LIMD1: variants seen among roughly 807,000 people sequenced by gnomAD.
The protein encoded by LIMD1 is LIM domain-containing protein 1.
In LIMD1, 23 loss-of-function variants were observed where a neutral mutation model predicts 58.4. The ratio of observed to expected loss-of-function variants is 0.39; its 90% CI spans 0.28 to 0.56. The LOEUF (loss-of-function observed/expected upper bound fraction) is 0.56, where lower values mean the gene tolerates loss of function less well. Ranked by LOEUF, LIMD1 falls within the 20% of genes least tolerant of loss-of-function variation. LIMD1 has a pLI of 0.57. For missense variants in LIMD1, 838 were observed against 855.5 expected, an observed-to-expected ratio of 0.98 and a Z score of 0.25; for synonymous variants, 334 against 345.5, an observed-to-expected ratio of 0.97 and a Z score of 0.37.
intron 2 of LIMD1, among the ~76,000 whole-genome samples, chr3:45,647,444 C>T (rs76057043): frequency 0.017 from 2,559 of 152,244 alleles, 53 homozygotes; most frequent in African/African-American, 0.053. Flanking sequence ...TAGCAGGGCA[C>T]GGGTCAGCCT....
chr3:45,604,762 G>A lies in LIMD1; in HGVS notation c.1408+8475G>A, dbSNP rs190577873. 1.4e-3 allele frequency among the ~76,000 whole-genome samples: 214 copies of A among 152,228 alleles called. 1 individual carries two copies. The highest frequency in any genetic ancestry group is 5.1e-3 in the African/African-American group (211 of 41,536). On this transcript the variant is annotated intron_variant, in intron 1 of 7. Coordinates refer to ENST00000273317, the MANE Select transcript of LIMD1 (RefSeq NM_014240.3). ...ATCTGCTGGGAGCTGTAGCCCTGGC[G>A]CGTCCCGACATGGATTCCCACAGCG...
At chr3:45,597,855 A>G in intron 1 of LIMD1, among the ~76,000 whole-genome samples, 1 of 152,190 alleles carries the variant, frequency 6.6e-6, no homozygotes, top group Non-Finnish European at 1.5e-5. Context: ...TGTGCAGCTT[A>G]TGGTAGCATT....
At chr3:45,618,829 G>A (rs960927325) in intron 1 of LIMD1, among the ~76,000 whole-genome samples, 7 of 152,188 alleles carry the variant, frequency 4.6e-5, no homozygotes, top group Admixed American at 1.3e-4. Context: ...GGCTGTGGAC[G>A]TGGGGAGGAA....
intron 4 of LIMD1, among the ~76,000 whole-genome samples, chr3:45,669,204 C>T (rs1000647718): frequency 1.2e-4 from 19 of 152,136 alleles, no homozygotes; most frequent in Non-Finnish European, 2.2e-4. Context: ...TCAGTGGGGA[C>T]AATTTTTCCC....
At chr3:45,664,659 T>A (rs1256580023) in intron 2 of LIMD1, among the ~76,000 whole-genome samples, 1 of 152,228 alleles carries the variant, frequency 6.6e-6, no homozygotes, top group Non-Finnish European at 1.5e-5. Flanking sequence ...TGAGGAATGT[T>A]CTTTGACAGT....
At chr3:45,653,488 A>G (rs1409328173) in intron 2 of LIMD1, among the ~76,000 whole-genome samples, 1 of 152,162 alleles carries the variant, frequency 6.6e-6, no homozygotes, top group Non-Finnish European at 1.5e-5. Flanking sequence ...GTGCTTTTCC[A>G]CTTTGCCCCT....
intron 1 of LIMD1, among the ~76,000 whole-genome samples, chr3:45,620,835 A>C (rs994904144): frequency 6.6e-6 from 1 of 152,244 alleles, no homozygotes; most frequent in African/African-American, 2.4e-5. Flanking sequence ...TTCCAAAGAG[A>C]AAAAGAGTAA....
In LIMD1 at chr3:45,605,852, G is replaced by A. The variant is rs539331434; in HGVS notation, c.1408+9565G>A. Among the ~76,000 whole-genome samples the A allele has an allele frequency of 3.3e-4, 50 of 152,268 alleles. No individual in the cohort carries two copies. The South Asian group carries it at 6.0e-3, about 18-fold the overall frequency. On this transcript the variant is annotated intron_variant, in intron 1 of 7. Coordinates refer to ENST00000273317, the MANE Select transcript of LIMD1 (RefSeq NM_014240.3). ...AGTCCTCTCCGTGGGCTCCTGTGGCGCCCTGGGTGTTGTTGGGTCTCAGGC... is the reference window on the plus strand; with the variant it reads ...AGTCCTCTCCGTGGGCTCCTGTGGCACCCTGGGTGTTGTTGGGTCTCAGGC...
rs10572210 is a variant in LIMD1, at chr3:45,658,535, C to CTTTTTTTT, written c.1511-7090_1511-7083dup. Among the ~76,000 whole-genome samples, 105 of 44,772 alleles carry CTTTTTTTT rather than the reference C, an allele frequency of 2.3e-3. 5 individuals are homozygous for CTTTTTTTT. The highest frequency in any genetic ancestry group is 3.1e-3 in the Non-Finnish European group (69 of 22,182). 29.4% of individuals were successfully genotyped at this position (44,772 alleles called of 152,430 possible). A position where few individuals can be genotyped will look rare whatever the true frequency, so the allele number is the denominator to read the frequency against. On this transcript the variant is annotated intron_variant, in intron 2 of 7. Coordinates refer to ENST00000273317, the MANE Select transcript of LIMD1 (RefSeq NM_014240.3). ...AACCATCCCCTCCACCATGCAGATT[C>CTTTTTTTT]TTTTTTTTTTTTTTTTTTTTTTTTT... is the stretch of plus-strand genomic sequence containing the variant.
chr3:45,622,336 A>C (rs1350628419), intron 1 of LIMD1, among the ~76,000 whole-genome samples: 6 of 152,194 alleles, frequency 3.9e-5, no homozygotes. Flanking sequence ...CTCATGCGTG[A>C]GGGATATAGT....
chr3:45,598,606 A>G (rs1341888017), intron 1 of LIMD1, among the ~76,000 whole-genome samples: 1 of 152,232 alleles, frequency 6.6e-6, no homozygotes, highest in Non-Finnish European at 1.5e-5. Flanking sequence ...GGAGCAGACA[A>G]TGTAGTAGAA....
chr3:45,623,974 G>A (rs568313917), intron 1 of LIMD1, among the ~76,000 whole-genome samples: 1 of 152,312 alleles, frequency 6.6e-6, no homozygotes, highest in South Asian at 2.1e-4. Context: ...GAGATCTTTT[G>A]TGAGCTTTTA....
At chr3:45,611,529 T>C (rs1701521997) in intron 1 of LIMD1, among the ~76,000 whole-genome samples, 1 of 152,252 alleles carries the variant, frequency 6.6e-6, no homozygotes, top group Non-Finnish European at 1.5e-5. Flanking sequence ...TGGTGTTTCC[T>C]GTCCCAAGAG....
chr3:45,612,281 G>T (rs1318837929), intron 1 of LIMD1, among the ~76,000 whole-genome samples: 1 of 151,962 alleles, frequency 6.6e-6, no homozygotes, highest in East Asian at 1.9e-4. Flanking sequence ...GCAGGGTCTC[G>T]CTGTCTTGCC....
chr3:45,613,906 C>T (rs1298385735), intron 1 of LIMD1, among the ~76,000 whole-genome samples: 2 of 152,100 alleles, frequency 1.3e-5, no homozygotes, highest in Admixed American at 1.3e-4. Flanking sequence ...TTAGCAACTG[C>T]CAAAAACTTT....
At chr3:45,616,316 C>G (rs923781791) in intron 1 of LIMD1, among the ~76,000 whole-genome samples, 1 of 152,148 alleles carries the variant, frequency 6.6e-6, no homozygotes, top group Non-Finnish European at 1.5e-5. Context: ...CTCACTCTCT[C>G]GAGGGACAGC....
intron 7 of LIMD1, among the ~76,000 whole-genome samples, chr3:45,676,157 C>T (rs1697667017): frequency 6.6e-6 from 1 of 151,800 alleles, no homozygotes; most frequent in African/African-American, 2.4e-5. Flanking sequence ...CAGGAGAATT[C>T]CTTGAACGGG....
intron 4 of LIMD1, among the ~76,000 whole-genome samples, chr3:45,672,128 T>G (rs1697592456): frequency 1.3e-5 from 2 of 152,142 alleles, no homozygotes. Context: ...TTGGGTTGAG[T>G]CAGAACTTCT....
chr3:45,603,595 A>G (rs528810128), intron 1 of LIMD1, among the ~76,000 whole-genome samples: 12 of 152,242 alleles, frequency 7.9e-5, no homozygotes, highest in African/African-American at 2.6e-4. Context: ...CAAGACTCCA[A>G]TCTCTCTGGC....
Sources: gnomAD v4.1 joint callset for allele counts (sites outside exome capture counted in the v4.1 genomes callset) on GRCh38, gnomAD v4.1.1 for gene constraint, MANE v1.5 for transcripts, NCBI Gene and HGNC (gene_info 2026-07-23, HGNC 2026-07-21) for gene names.